CNTNAP2: variants seen among roughly 807,000 people sequenced by gnomAD.
CNTNAP2 encodes the protein contactin-associated protein-like 2.
In CNTNAP2, 98 loss-of-function variants were observed where a neutral mutation model predicts 155.2. That is an observed-to-expected ratio of 0.63 (90% CI 0.54 to 0.75). The LOEUF (loss-of-function observed/expected upper bound fraction) is 0.75, where lower values mean the gene tolerates loss of function less well. Among genes scored for constraint, CNTNAP2 ranks in the 30% least tolerant of loss-of-function variants. The pLI is 0.00. For synonymous variants in CNTNAP2, 651 were observed against 631.2 expected (o/e 1.03, Z -0.47); for missense variants, 1,727 against 1,688.1 (o/e 1.02, Z -0.40).
intron 1 of CNTNAP2, among the ~76,000 whole-genome samples, chr7:146,419,925 T>C (rs529412531): frequency 1.4e-4 from 21 of 152,228 alleles, no homozygotes; most frequent in African/African-American, 5.1e-4. Context: ...AAACATTAGA[T>C]GGATTTAAGA....
intron 8 of CNTNAP2, among the ~76,000 whole-genome samples, chr7:147,282,889 C>G (rs1457814697): frequency 1.3e-5 from 2 of 151,820 alleles, no homozygotes; most frequent in Non-Finnish European, 1.5e-5. Context: ...AACCACTTCA[C>G]CCAGCCACCA....
At chr7:146,912,712 C>G (rs1796309008) in intron 3 of CNTNAP2, among the ~76,000 whole-genome samples, 1 of 152,032 alleles carries the variant, frequency 6.6e-6, no homozygotes, top group South Asian at 2.1e-4. Context: ...TCTTAGATGT[C>G]AAACATTATT....
chr7:148,111,348 A>G (rs1804347114), intron 15 of CNTNAP2, among the ~76,000 whole-genome samples: 1 of 152,180 alleles, frequency 6.6e-6, no homozygotes, highest in Non-Finnish European at 1.5e-5. Context: ...ATATTGAGAT[A>G]TTGCCTCCAA....
chr7:147,260,844 G>A (rs1804448327), intron 8 of CNTNAP2, among the ~76,000 whole-genome samples: 1 of 152,176 alleles, frequency 6.6e-6, no homozygotes, highest in Non-Finnish European at 1.5e-5. Flanking sequence ...TGTGGTTCCT[G>A]GACCAGCTGC....
chr7:148,180,285 A>C (rs1404586291), intron 18 of CNTNAP2, among the ~76,000 whole-genome samples: 4 of 152,214 alleles, frequency 2.6e-5, no homozygotes, highest in Non-Finnish European at 5.9e-5. Context: ...AGAAGGCCCA[A>C]AGGAACAAGA....
intron 1 of CNTNAP2, among the ~76,000 whole-genome samples, chr7:146,256,883 A>G (rs1185282759): frequency 6.6e-6 from 1 of 152,164 alleles, no homozygotes; most frequent in Admixed American, 6.5e-5. Flanking sequence ...TTTTTTCCCT[A>G]CTACATCTCT....
intron 1 of CNTNAP2, among the ~76,000 whole-genome samples, chr7:146,206,785 A>G (rs1248008917): frequency 1.3e-5 from 2 of 152,026 alleles, no homozygotes; most frequent in African/African-American, 4.8e-5. Context: ...CAACACTTTC[A>G]GATAAAAATT....
intron 3 of CNTNAP2, among the ~76,000 whole-genome samples, chr7:146,872,000 C>G (rs1157433591): frequency 6.6e-6 from 1 of 151,878 alleles, no homozygotes. Context: ...TCATAATACA[C>G]AACAGGATGT....
intron 3 of CNTNAP2, among the ~76,000 whole-genome samples, chr7:146,871,354 A>G (rs984815255): frequency 5.3e-5 from 8 of 151,970 alleles, no homozygotes; most frequent in Non-Finnish European, 1.2e-4. Flanking sequence ...AAAATGATGA[A>G]ACCCCATCTC....
intron 18 of CNTNAP2, among the ~76,000 whole-genome samples, chr7:148,185,741 T>C (rs1270369303): frequency 6.6e-6 from 1 of 152,254 alleles, no homozygotes. Flanking sequence ...TATTTTAGCC[T>C]GTTGACTTTT....
At chr7:146,465,749 T>C (rs923219274) in intron 1 of CNTNAP2, among the ~76,000 whole-genome samples, 4 of 152,166 alleles carry the variant, frequency 2.6e-5, no homozygotes, top group Admixed American at 2.6e-4. Context: ...GGATAGGTTA[T>C]TATAGGAAAC....
At chr7:146,891,099 A>G (rs1275381481) in intron 3 of CNTNAP2, among the ~76,000 whole-genome samples, 4 of 152,220 alleles carry the variant, frequency 2.6e-5, no homozygotes, top group Non-Finnish European at 4.4e-5. Flanking sequence ...TTGCAGCAAC[A>G]TGGATGCAGC....
At chr7:146,718,473 A>C (rs1438461056) in intron 1 of CNTNAP2, among the ~76,000 whole-genome samples, 2 of 152,098 alleles carry the variant, frequency 1.3e-5, no homozygotes, top group African/African-American at 4.8e-5. Flanking sequence ...GGAAAATGGC[A>C]TTCTGTGACT....
chr7:146,635,965 A>G (rs13224330), intron 1 of CNTNAP2, among the ~76,000 whole-genome samples: 11,400 of 152,220 alleles, frequency 0.075, 474 homozygotes, highest in Non-Finnish European at 0.089. Flanking sequence ...GGAGCCGCCT[A>G]AAGTATTGCT....
intron 1 of CNTNAP2, among the ~76,000 whole-genome samples, chr7:146,411,219 C>T (rs755754701): frequency 3.7e-4 from 56 of 150,130 alleles, no homozygotes; most frequent in Non-Finnish European, 4.3e-4. Context: ...TGCAGAGGCA[C>T]GATCTTGGCT....
intron 1 of CNTNAP2, among the ~76,000 whole-genome samples, chr7:146,692,842 A>G (rs1800720413): frequency 6.6e-6 from 1 of 152,240 alleles, no homozygotes; most frequent in South Asian, 2.1e-4. Context: ...TATTTTGAAT[A>G]TTAATACTAC....
At chr7:146,242,625 C>T (rs1799582069) in intron 1 of CNTNAP2, among the ~76,000 whole-genome samples, 2 of 151,834 alleles carry the variant, frequency 1.3e-5, no homozygotes, top group Non-Finnish European at 2.9e-5. Context: ...AATCTAGAGA[C>T]ATTAGTTATC....
intron 6 of CNTNAP2, among the ~76,000 whole-genome samples, chr7:147,126,759 C>T (rs1038166926): frequency 6.6e-5 from 10 of 152,184 alleles, no homozygotes; most frequent in Admixed American, 6.5e-4. Context: ...AGGTGTGAGC[C>T]ACCATGCCTG....
chr7:147,279,252 A>G (rs1804973078), intron 8 of CNTNAP2, among the ~76,000 whole-genome samples: 1 of 151,690 alleles, frequency 6.6e-6, no homozygotes, highest in Non-Finnish European at 1.5e-5. Context: ...AATCATCTCT[A>G]AAGAAAAAGT....
Sources: gnomAD v4.1 joint callset for allele counts (sites outside exome capture counted in the v4.1 genomes callset) on GRCh38, gnomAD v4.1.1 for gene constraint, MANE v1.5 for transcripts, NCBI Gene and HGNC (gene_info 2026-07-23, HGNC 2026-07-21) for gene names.